Variants in TNNI3K observed in about 807,000 individuals in gnomAD.
TNNI3K encodes serine/threonine-protein kinase TNNI3K.
TNNI3K carries 140 observed loss-of-function variants against 114.5 expected under a neutral mutation model. The observed-to-expected ratio is 1.22, with a 90% confidence interval of 1.07 to 1.41. The LOEUF (loss-of-function observed/expected upper bound fraction) is 1.41, where lower values mean the gene tolerates loss of function less well. TNNI3K is among the 40% of genes most tolerant of loss of function. The pLI is 0.00. For missense variants in TNNI3K, 1,125 were observed against 1,007.6 expected, an observed-to-expected ratio of 1.12 and a Z score of -1.58; for synonymous variants, 347 against 347.5, an observed-to-expected ratio of 1.00 and a Z score of 0.02.
chr1:74,307,846 C>T (rs1034205061), intron 5 of TNNI3K, among the ~76,000 whole-genome samples: 23 of 152,016 alleles, frequency 1.5e-4, no homozygotes, highest in Admixed American at 7.9e-4. Context: ...GCCTGTAATC[C>T]CAGCTACTCG....
intron 23 of TNNI3K, among the ~76,000 whole-genome samples, chr1:74,502,610 T>C (rs1286125034): frequency 6.6e-6 from 1 of 152,120 alleles, no homozygotes; most frequent in East Asian, 1.9e-4. Flanking sequence ...CTATCCAGAG[T>C]ACTGAACTAC....
intron 21 of TNNI3K, chr1:74,475,650 G>T (rs1458743929): frequency 1.4e-6 from 1 of 716,986 alleles, no homozygotes; most frequent in Admixed American, 2.0e-5. Context: ...TTAAGTGGCA[G>T]TTGCAGTATC....
At chr1:74,443,278 G>T (rs929440516) in intron 20 of TNNI3K, among the ~76,000 whole-genome samples, 1 of 151,842 alleles carries the variant, frequency 6.6e-6, no homozygotes, top group African/African-American at 2.4e-5. Context: ...GACCAATAAA[G>T]AAGAAAAGAG....
At chr1:74,357,366 A>G (rs1374995082) in intron 11 of TNNI3K, among the ~76,000 whole-genome samples, 1 of 152,154 alleles carries the variant, frequency 6.6e-6, no homozygotes, top group Non-Finnish European at 1.5e-5. Context: ...ATCCTAGTCT[A>G]ATCTCTTAAC....
chr1:74,514,911 G>T (rs1170163370), intron 23 of TNNI3K, among the ~76,000 whole-genome samples: 2 of 152,010 alleles, frequency 1.3e-5, no homozygotes, highest in Non-Finnish European at 1.5e-5. Flanking sequence ...GAGTAGGGTG[G>T]GCCCTTAATT....
intron 17 of TNNI3K, chr1:74,371,660 G>A (rs750976034): frequency 6.6e-6 from 1 of 151,712 alleles, no homozygotes; most frequent in African/African-American, 2.4e-5. Flanking sequence ...TATGTAATGT[G>A]TATAATGTAA....
intron 17 of TNNI3K, among the ~76,000 whole-genome samples, chr1:74,409,964 T>C (rs1425954561): frequency 1.3e-5 from 2 of 152,308 alleles, no homozygotes; most frequent in South Asian, 4.1e-4. Flanking sequence ...TGATTACTCT[T>C]AGAATCTGTA....
intron 20 of TNNI3K, among the ~76,000 whole-genome samples, chr1:74,452,500 T>C (rs1483130130): frequency 6.6e-6 from 1 of 152,186 alleles, no homozygotes; most frequent in Non-Finnish European, 1.5e-5. Context: ...TTTTCAGTTC[T>C]ACAGTTTATC....
At chr1:74,419,177 T>C (rs1665276507) in intron 17 of TNNI3K, among the ~76,000 whole-genome samples, 1 of 151,982 alleles carries the variant, frequency 6.6e-6, no homozygotes, top group Admixed American at 6.6e-5. Flanking sequence ...GTTCCTTTCC[T>C]CTTGTTTCTG....
chr1:74,251,533 C>G (rs1654928239), intron 4 of TNNI3K, among the ~76,000 whole-genome samples: 1 of 152,022 alleles, frequency 6.6e-6, no homozygotes, highest in Non-Finnish European at 1.5e-5. Context: ...AAGTAGATAC[C>G]TGGACAATAT....
Position 74,369,446 on chromosome 1 carries a change from G to T in TNNI3K, c.1528G>T (p.Val510Leu), listed in dbSNP as rs34335537. 5.3e-4 allele frequency: 848 copies of T among 1,612,506 alleles called. No homozygotes were observed. Among genetic ancestry groups the T allele is most frequent in the Non-Finnish European group, 6.7e-4 (793 of 1,179,148 alleles). ...AGATGTGGATATGTTTTGCCGAGAG[G>T]TGTCCATTCTCTGCCAGCTCAATCA... Reference protein sequence around the residue: ...KSDVDMFCREVSILCQLNHPC... With the variant: ...KSDVDMFCRELSILCQLNHPC... The change falls in exon 16 of 25, where the codon GTG (valine) becomes TTG (leucine). Residue 510 changes from valine (V) to leucine (L), a missense_variant. Transcript: ENST00000326637.
chr1:74,284,885 T>G (rs1657232710), intron 5 of TNNI3K, among the ~76,000 whole-genome samples: 1 of 152,216 alleles, frequency 6.6e-6, no homozygotes, highest in African/African-American at 2.4e-5. Flanking sequence ...TTACTGCAGA[T>G]CTCCACATCT....
intron 23 of TNNI3K, among the ~76,000 whole-genome samples, chr1:74,497,772 C>T (rs1030629670): frequency 6.6e-6 from 1 of 152,106 alleles, no homozygotes; most frequent in Admixed American, 6.6e-5. Context: ...TGTAGAACTC[C>T]AATTCTAATT....
At chr1:74,305,155 G>A (rs1658543388) in intron 5 of TNNI3K, among the ~76,000 whole-genome samples, 1 of 152,154 alleles carries the variant, frequency 6.6e-6, no homozygotes, top group Non-Finnish European at 1.5e-5. Context: ...GGGATGTAGA[G>A]AAGGTGGGGA....
chr1:74,372,717 T>A lies in TNNI3K; in HGVS notation c.1772+2325T>A, dbSNP rs1165710024. 2.6e-5 allele frequency: 4 copies of A among 151,986 alleles called. No individual in the cohort carries two copies. The East Asian group carries it at 7.8e-4, about 29-fold the overall frequency. 9.4% of individuals were successfully genotyped at this position (151,986 alleles called of 1,614,324 possible). ...GAGTAATCATTGCAATAAGTAATCA[T>A]TGCAAGTTTTCTCTAGCTGTAACTC... On this transcript the variant is annotated intron_variant, in intron 17 of 24. Transcript: ENST00000326637.
chr1:74,332,457 C>T (rs887209543), intron 6 of TNNI3K, among the ~76,000 whole-genome samples: 6 of 152,004 alleles, frequency 3.9e-5, no homozygotes, highest in Admixed American at 1.3e-4. Context: ...CCTGCCACCA[C>T]GCCTGACTAA....
intron 5 of TNNI3K, among the ~76,000 whole-genome samples, chr1:74,293,846 T>A (rs1436063563): frequency 6.6e-6 from 1 of 151,786 alleles, no homozygotes; most frequent in Non-Finnish European, 1.5e-5. Flanking sequence ...GACATTTTTA[T>A]CACATTAAGA....
chr1:74,379,011 A>G (rs1663064238), intron 17 of TNNI3K, among the ~76,000 whole-genome samples: 1 of 152,016 alleles, frequency 6.6e-6, no homozygotes, highest in African/African-American at 2.4e-5. Flanking sequence ...CAATTTATGA[A>G]CTAATAGCAG....
intron 20 of TNNI3K, among the ~76,000 whole-genome samples, chr1:74,442,686 T>A (rs1465124596): frequency 6.6e-6 from 1 of 152,124 alleles, no homozygotes; most frequent in Non-Finnish European, 1.5e-5. Context: ...ATTTTTATTA[T>A]ACTTATCTCT....
Sources: allele counts gnomAD v4.1 joint callset (sites outside exome capture counted in the v4.1 genomes callset), GRCh38; gene constraint gnomAD v4.1.1; transcripts MANE v1.5; gene names NCBI Gene and HGNC (gene_info 2026-07-23, HGNC 2026-07-21).